Variants in RAF1 observed in about 807,000 individuals in gnomAD.
RAF1 encodes the protein Raf-1 proto-oncogene, serine/threonine kinase, also known as RAF proto-oncogene serine/threonine-protein kinase.
RAF1 carries 27 observed loss-of-function variants against 81.1 expected under a neutral mutation model. The observed-to-expected ratio is 0.33, with a 90% CI of 0.25 to 0.46. RAF1 has a LOEUF of 0.46. RAF1 is among the 20% of genes least tolerant of loss of function. The probability of loss-of-function intolerance (pLI) is 1.00; values close to 1 mark genes in which losing one functional copy is unlikely to be tolerated. For missense variants in RAF1, 598 were observed against 826.0 expected, an observed-to-expected ratio of 0.72 and a Z score of 3.38; for synonymous variants, 298 against 294.0, an observed-to-expected ratio of 1.01 and a Z score of -0.14.
rs1322057938 is a variant in RAF1, at chr3:12,633,663, C to A, written c.-26-14916G>T. Among the ~76,000 whole-genome samples the A allele has an allele frequency of 4.0e-5, 6 of 150,194 alleles. No individual in the cohort carries two copies. In the East Asian group the frequency reaches 5.9e-4, roughly 15 times the overall value. ...AAAAAAAAAAAATACAGGCCCAGCGCAGTGGCTCACGCCTGTAATCCCAGC... is the reference window on the plus strand; with the variant it reads ...AAAAAAAAAAAATACAGGCCCAGCGAAGTGGCTCACGCCTGTAATCCCAGC... On this transcript the variant is annotated intron_variant, in intron 1 of 17. Transcript: ENST00000442415.
At position 12,583,834 on chromosome 3, in the gene RAF1, G is replaced by A. The variant is rs976751555; in HGVS notation, c.*680C>T. 12 of 234,236 alleles carry A rather than the reference G, an allele frequency of 5.1e-5. No individual in the cohort carries two copies. Among genetic ancestry groups the A allele is most frequent in the Non-Finnish European group, 7.6e-5 (9 of 118,560 alleles). 14.5% of individuals were successfully genotyped at this position (234,236 alleles called of 1,614,324 possible). On this transcript the variant is annotated 3_prime_UTR_variant, in exon 18 of 18. Transcript: ENST00000442415. ...GCCCCGCCCCATAGGGGCAGCTCCT[G>A]GAAGACAAAATTCAGCATGATGGAA...
At chr3:12,627,830 T>TA (rs1433561516) in intron 1 of RAF1, among the ~76,000 whole-genome samples, 2 of 152,246 alleles carry the variant, frequency 1.3e-5, no homozygotes, top group East Asian at 1.9e-4. Flanking sequence ...TTTAGAAAGT[T>TA]AGAGTGTGGC....
intron 1 of RAF1, among the ~76,000 whole-genome samples, chr3:12,658,368 T>C (rs944541185): frequency 6.6e-6 from 1 of 152,184 alleles, no homozygotes; most frequent in African/African-American, 2.4e-5. Context: ...TTTGGGAGGC[T>C]GAGGCAGGCA....
chr3:12,604,094 CATTA>C lies in RAF1; in HGVS notation c.834+38_834+41del, dbSNP rs2125396451. Reference sequence around the variant, plus strand: ...TCTGAAATAAGTATCAACCTCACCCCATTAATTGACTGACATTACCACCCCCAAG... The same window carrying C: ...TCTGAAATAAGTATCAACCTCACCCCATTGACTGACATTACCACCCCCAAG... On this transcript the variant is annotated intron_variant, in intron 7 of 17. Transcript: ENST00000442415. 3 of 1,610,162 alleles carry C rather than the reference CATTA, an allele frequency of 1.9e-6. No homozygotes were observed. In the East Asian group the frequency reaches 6.7e-5, roughly 36 times the overall value.
At chr3:12,615,737 T>C (rs1399687469) in intron 2 of RAF1, among the ~76,000 whole-genome samples, 2 of 152,052 alleles carry the variant, frequency 1.3e-5, no homozygotes, top group African/African-American at 4.8e-5. Flanking sequence ...AAGGACTACA[T>C]AGATGTATAA....
In RAF1 at chr3:12,603,539, T is replaced by C. The variant is rs1258453555; in HGVS notation, c.835-2A>G. 5.7e-6 allele frequency: 4 copies of C among 700,728 alleles called. No individual in the cohort carries two copies. Among genetic ancestry groups the C allele is most frequent in the South Asian group, 3.0e-5 (2 of 67,256 alleles). The allele number at this position is 700,728 out of a possible 1,614,324, so 43.4% of individuals were successfully genotyped here. On this transcript the variant is annotated splice_acceptor_variant, in intron 7 of 17. Transcript: ENST00000442415. LOFTEE classifies it high-confidence loss of function. The stretch of plus-strand genomic sequence containing the variant: ...GGGAGAAGCACTCAGGTTGTTATTC[T>C]AGTCCAAAGCAATGAGAAATAAAGA...
chr3:12,591,472 C>T (rs1575545917), intron 12 of RAF1, among the ~76,000 whole-genome samples: 1 of 152,210 alleles, frequency 6.6e-6, no homozygotes, highest in South Asian at 2.1e-4. Context: ...ATTGAGTTTA[C>T]TGTGCCCAGA....
intron 14 of RAF1, 171 bp from the exon 14 acceptor site, chr3:12,585,970 C>G (rs2058321364): frequency 1.6e-6 from 1 of 624,078 alleles, no homozygotes; most frequent in Non-Finnish European, 2.9e-6. Context: ...TGAAATGCAC[C>G]TTCTTCCAGA....
intron 1 of RAF1, among the ~76,000 whole-genome samples, chr3:12,619,106 G>C (rs569566659): frequency 5.9e-5 from 9 of 152,010 alleles, no homozygotes; most frequent in Admixed American, 5.9e-4. Flanking sequence ...TTAGCCGGGC[G>C]TGGTGGCGGG....
chr3:12,631,925 C>T (rs923409608), intron 1 of RAF1, among the ~76,000 whole-genome samples: 14 of 152,124 alleles, frequency 9.2e-5, no homozygotes, highest in Non-Finnish European at 4.4e-5. Flanking sequence ...GGGCTGTGGC[C>T]CTAATCCTTT....
chr3:12,596,279 C>T (rs1374246339), intron 11 of RAF1, among the ~76,000 whole-genome samples: 2 of 151,374 alleles, frequency 1.3e-5, no homozygotes, highest in Admixed American at 6.6e-5. Context: ...ACTGCAACCT[C>T]GCCTCCTGGG....
chr3:12,612,972 T>G (rs144559670), intron 2 of RAF1, among the ~76,000 whole-genome samples: 239 of 152,246 alleles, frequency 1.6e-3, no homozygotes, highest in African/African-American at 5.5e-3. Flanking sequence ...CACAAGTACT[T>G]AACACTAGTG....
intron 1 of RAF1, among the ~76,000 whole-genome samples, chr3:12,636,059 G>C (rs532539527): frequency 6.6e-6 from 1 of 152,128 alleles, no homozygotes; most frequent in Admixed American, 6.6e-5. Flanking sequence ...GCCGAGGTGA[G>C]TGGATCACTT....
chr3:12,631,094 C>T (rs531462506), intron 1 of RAF1, among the ~76,000 whole-genome samples: 1 of 152,016 alleles, frequency 6.6e-6, no homozygotes, highest in Non-Finnish European at 1.5e-5. Flanking sequence ...TCAAGGTGGG[C>T]GGATGAGCCC....
chr3:12,632,557 A>C (rs996842509), intron 1 of RAF1, among the ~76,000 whole-genome samples: 2 of 152,184 alleles, frequency 1.3e-5, no homozygotes, highest in Non-Finnish European at 2.9e-5. Flanking sequence ...CAGTGGGTAT[A>C]ATCTTTCTAA....
intron 1 of RAF1, among the ~76,000 whole-genome samples, chr3:12,635,369 G>A (rs1202617032): frequency 1.4e-5 from 2 of 143,564 alleles, no homozygotes; most frequent in Admixed American, 7.2e-5. Flanking sequence ...AGGGGCCATG[G>A]CTCACACCTG....
intron 1 of RAF1, among the ~76,000 whole-genome samples, chr3:12,620,854 G>A (rs2059535296): frequency 6.6e-6 from 1 of 152,028 alleles, no homozygotes; most frequent in East Asian, 1.9e-4. Context: ...TTCTTTATCT[G>A]TTTAAATTTA....
chr3:12,655,006 C>CCT (rs926513646), intron 1 of RAF1, among the ~76,000 whole-genome samples: 3 of 142,002 alleles, frequency 2.1e-5, no homozygotes, highest in African/African-American at 5.0e-5. Context: ...TGAGACCCCC[C>CCT]CCCCGCCATC....
intron 1 of RAF1, among the ~76,000 whole-genome samples, chr3:12,651,023 C>T (rs1050371669): frequency 6.6e-6 from 1 of 152,154 alleles, no homozygotes; most frequent in Non-Finnish European, 1.5e-5. Flanking sequence ...AAGAAATGAG[C>T]CTGATGAAGG....
Sources: gnomAD v4.1 joint callset for allele counts (sites outside exome capture counted in the v4.1 genomes callset) on GRCh38, gnomAD v4.1.1 for gene constraint, MANE v1.5 for transcripts, NCBI Gene and HGNC (gene_info 2026-07-23, HGNC 2026-07-21) for gene names.